SORCS3: variants seen among roughly 807,000 people sequenced by gnomAD.
SORCS3 encodes the protein sortilin related VPS10 domain containing receptor 3, also known as VPS10 domain-containing receptor SorCS3.
In SORCS3, 57 loss-of-function variants were observed where a neutral mutation model predicts 146.3. That is an observed-to-expected ratio of 0.39 (90% CI 0.31 to 0.49). SORCS3 has a LOEUF of 0.49. SORCS3 is among the 20% of genes least tolerant of loss of function. The probability of loss-of-function intolerance (pLI) is 0.92; values close to 1 mark genes in which losing one functional copy is unlikely to be tolerated. For missense variants in SORCS3, 1,341 were observed against 1,575.5 expected, an observed-to-expected ratio of 0.85 and a Z score of 2.52; for synonymous variants, 653 against 618.5, an observed-to-expected ratio of 1.06 and a Z score of -0.83.
At chr10:104,790,351 T>C (rs1233662798) in intron 1 of SORCS3, among the ~76,000 whole-genome samples, 2 of 152,002 alleles carry the variant, frequency 1.3e-5, no homozygotes, top group East Asian at 1.9e-4. Context: ...AAGTCAGCCA[T>C]ATTGGAAAGG....
chr10:104,706,782 A>T (rs971046960), intron 1 of SORCS3, among the ~76,000 whole-genome samples: 2 of 152,214 alleles, frequency 1.3e-5, no homozygotes, highest in African/African-American at 4.8e-5. Context: ...ACCTACATAA[A>T]CATGTATATG....
At chr10:104,823,355 T>A (rs981976688) in intron 1 of SORCS3, among the ~76,000 whole-genome samples, 2 of 152,196 alleles carry the variant, frequency 1.3e-5, no homozygotes, top group Admixed American at 1.3e-4. Flanking sequence ...AGACTTGTGA[T>A]TAAAATGAAT....
intron 3 of SORCS3, among the ~76,000 whole-genome samples, chr10:104,943,330 A>G (rs2019339194): frequency 6.6e-6 from 1 of 152,072 alleles, no homozygotes; most frequent in African/African-American, 2.4e-5. Flanking sequence ...GGGTTCCACC[A>G]TGTTGCCCAG....
At chr10:104,718,956 A>G (rs915882241) in intron 1 of SORCS3, among the ~76,000 whole-genome samples, 5 of 152,242 alleles carry the variant, frequency 3.3e-5, no homozygotes, top group African/African-American at 1.2e-4. Flanking sequence ...CATGTGCCAC[A>G]TCTGCAATGT....
At chr10:105,085,106 T>G (rs1446818400) in intron 5 of SORCS3, among the ~76,000 whole-genome samples, 1 of 152,160 alleles carries the variant, frequency 6.6e-6, no homozygotes, top group East Asian at 1.9e-4. Flanking sequence ...CTAGAGACAT[T>G]TTTGGTTGCC....
intron 1 of SORCS3, among the ~76,000 whole-genome samples, chr10:104,726,439 G>A (rs973820393): frequency 6.6e-6 from 1 of 152,174 alleles, no homozygotes; most frequent in African/African-American, 2.4e-5. Context: ...GGCCAACGTG[G>A]TGGGTGATGA....
At chr10:105,123,782 C>G (rs2055953156) in intron 7 of SORCS3, among the ~76,000 whole-genome samples, 1 of 152,210 alleles carries the variant, frequency 6.6e-6, no homozygotes. Context: ...CTTATTCTGT[C>G]AGTCTCCCAA....
chr10:104,737,408 G>A (rs890932790), intron 1 of SORCS3, among the ~76,000 whole-genome samples: 1 of 152,152 alleles, frequency 6.6e-6, no homozygotes, highest in East Asian at 1.9e-4. Flanking sequence ...GTGTCAAAGT[G>A]TTCCTATTTC....
At chr10:105,005,071 T>G (rs2055086455) in intron 4 of SORCS3, among the ~76,000 whole-genome samples, 1 of 152,216 alleles carries the variant, frequency 6.6e-6, no homozygotes, top group African/African-American at 2.4e-5. Context: ...AACTTTCTCA[T>G]TCTCAGTTTT....
chr10:104,785,782 CG>C (rs749751952), intron 1 of SORCS3, among the ~76,000 whole-genome samples: 58 of 152,082 alleles, frequency 3.8e-4, no homozygotes, highest in Non-Finnish European at 7.5e-4. Flanking sequence ...TTCTAGTTCT[CG>C]GGTGTTCTGA....
chr10:104,792,341 G>A (rs2017504727), intron 1 of SORCS3, among the ~76,000 whole-genome samples: 1 of 152,162 alleles, frequency 6.6e-6, no homozygotes, highest in Admixed American at 6.5e-5. Context: ...ACACTAACCT[G>A]GCTCACTGCT....
chr10:105,205,321 T>C (rs2056596276), intron 16 of SORCS3, among the ~76,000 whole-genome samples: 1 of 152,200 alleles, frequency 6.6e-6, no homozygotes. Flanking sequence ...TTTTCTAGAT[T>C]CTCAGAACAT....
chr10:105,237,673 G>A (rs11192375), intron 20 of SORCS3, among the ~76,000 whole-genome samples: 13,432 of 152,178 alleles, frequency 0.088, 788 homozygotes, highest in Admixed American at 0.16. Flanking sequence ...GGGGAGTGCC[G>A]TGATTTTAGA....
At chr10:104,650,508 A>C (rs547432616) in intron 1 of SORCS3, among the ~76,000 whole-genome samples, 1 of 152,312 alleles carries the variant, frequency 6.6e-6, no homozygotes, top group South Asian at 2.1e-4. Context: ...AGATACAAAC[A>C]CGTTCATTCA....
At chr10:105,009,527 C>CAAAAAAAAA in intron 4 of SORCS3, among the ~76,000 whole-genome samples, 1 of 105,148 alleles carries the variant, frequency 9.5e-6, no homozygotes, top group Non-Finnish European at 2.1e-5. Context: ...AACAAACAAA[C>CAAAAAAAAA]AAAAAAAAAA....
At chr10:105,013,605 C>A (rs1369442074) in intron 4 of SORCS3, among the ~76,000 whole-genome samples, 1 of 151,840 alleles carries the variant, frequency 6.6e-6, no homozygotes, top group African/African-American at 2.4e-5. Context: ...CAATATCCAA[C>A]AAGAATAGGT....
chr10:105,046,889 C>T (rs2055375964), intron 5 of SORCS3, among the ~76,000 whole-genome samples: 1 of 152,104 alleles, frequency 6.6e-6, no homozygotes, highest in Non-Finnish European at 1.5e-5. Flanking sequence ...ATGCTTCCCC[C>T]ACTTTTTTAA....
intron 4 of SORCS3, among the ~76,000 whole-genome samples, chr10:105,041,745 C>T (rs145484523): frequency 1.3e-5 from 2 of 152,212 alleles, no homozygotes; most frequent in East Asian, 3.9e-4. Context: ...AGTTATCCAA[C>T]TGTGGTGTGC....
At chr10:104,752,623 G>A (rs1001828494) in intron 1 of SORCS3, among the ~76,000 whole-genome samples, 10 of 152,174 alleles carry the variant, frequency 6.6e-5, no homozygotes, top group Admixed American at 1.3e-4. Flanking sequence ...GATGTTAGGC[G>A]TGTCCCATTG....
Sources: allele counts gnomAD v4.1 joint callset (sites outside exome capture counted in the v4.1 genomes callset), GRCh38; gene constraint gnomAD v4.1.1; transcripts MANE v1.5; gene names NCBI Gene and HGNC (gene_info 2026-07-23, HGNC 2026-07-21).